The following TNIP3 variants were observed in gnomAD, a reference collection of about 807,000 sequenced individuals.
TNIP3 encodes the protein TNFAIP3 interacting protein 3, also known as TNFAIP3-interacting protein 3.
TNIP3 carries 34 observed loss-of-function variants against 54.1 expected under a neutral mutation model. That is an observed-to-expected ratio of 0.63 (90% CI 0.48 to 0.84). The LOEUF (loss-of-function observed/expected upper bound fraction) is 0.84. TNIP3 is among the 40% of genes least tolerant of loss of function. The probability of loss-of-function intolerance (pLI) is 0.00; values close to 1 mark genes in which losing one functional copy is unlikely to be tolerated. For synonymous variants in TNIP3, 134 were observed against 136.8 expected (o/e 0.98, Z 0.14); for missense variants, 366 against 387.6 (o/e 0.94, Z 0.47).
At chr4:121,146,506 C>G (rs1471885503) in intron 7 of TNIP3, among the ~76,000 whole-genome samples, 1 of 152,122 alleles carries the variant, frequency 6.6e-6, no homozygotes, top group African/African-American at 2.4e-5. Context: ...TTCAATTACA[C>G]TTAATTTTAG....
chr4:121,174,606 T>G lies in TNIP3; in HGVS notation c.189+8070A>C, dbSNP rs189386898. ...TGCTAGCCTAAAAAATTGCAAACAT[T>G]TGCTAAGTCGGTTTTAATGACAAAC... On this transcript the variant is annotated intron_variant, in intron 3 of 12. Coordinates refer to the TNIP3 transcript ENST00000507879. Among the ~76,000 whole-genome samples the G allele has an allele frequency of 3.0e-4, 46 of 152,176 alleles. 1 individual carries two copies. Among genetic ancestry groups the G allele is most frequent in the African/African-American group, 1.1e-3 (46 of 41,502 alleles).
At chr4:121,224,649 T>C (rs1253276772) in intron 1 of TNIP3, among the ~76,000 whole-genome samples, 2 of 152,204 alleles carry the variant, frequency 1.3e-5, no homozygotes, top group African/African-American at 4.8e-5. Flanking sequence ...CTCTTTAAAG[T>C]TGATAATCTT....
intron 2 of TNIP3, among the ~76,000 whole-genome samples, chr4:121,191,993 G>C (rs1445975395): frequency 1.3e-5 from 2 of 152,102 alleles, no homozygotes; most frequent in African/African-American, 2.4e-5. Flanking sequence ...TTTAAGAGCT[G>C]TCTAAAAATT....
intron 2 of TNIP3, among the ~76,000 whole-genome samples, chr4:121,214,674 G>T (rs924143999): frequency 2.0e-5 from 3 of 152,094 alleles, no homozygotes; most frequent in African/African-American, 7.2e-5. Flanking sequence ...AAAGGAGGAT[G>T]GGTATCATCT....
At chr4:121,151,731 T>A (rs1729773070) in intron 5 of TNIP3, among the ~76,000 whole-genome samples, 1 of 152,124 alleles carries the variant, frequency 6.6e-6, no homozygotes, top group African/African-American at 2.4e-5. Flanking sequence ...GTTATTTGAA[T>A]TTTCTGATCT....
At chr4:121,218,492 AT>A (rs1726895257), upstream of TNIP3, among the ~76,000 whole-genome samples, 2 of 152,038 alleles carry the variant, frequency 1.3e-5, no homozygotes, top group South Asian at 4.2e-4. Flanking sequence ...CCCAGGCATA[AT>A]TATAATTTCC....
intron 2 of TNIP3, among the ~76,000 whole-genome samples, chr4:121,213,875 T>A (rs1726629280): frequency 6.6e-6 from 1 of 152,110 alleles, no homozygotes; most frequent in Non-Finnish European, 1.5e-5. Flanking sequence ...ACATGTTGAG[T>A]GGGACTGCTT....
chr4:121,206,325 G>A (rs893879422), intron 2 of TNIP3, among the ~76,000 whole-genome samples: 4 of 152,042 alleles, frequency 2.6e-5, no homozygotes, highest in Admixed American at 6.6e-5. Flanking sequence ...CTTTGCATGC[G>A]TTATCTCATT....
chr4:121,170,395 G>A (rs147091377), intron 3 of TNIP3, among the ~76,000 whole-genome samples: 395 of 152,240 alleles, frequency 2.6e-3, no homozygotes, highest in African/African-American at 8.9e-3. Context: ...CAATGACCAC[G>A]GGGATACACA....
intron 2 of TNIP3, among the ~76,000 whole-genome samples, chr4:121,209,429 A>G (rs545718213): frequency 1.8e-4 from 27 of 152,326 alleles, no homozygotes; most frequent in Admixed American, 1.7e-3. Flanking sequence ...AACTTCTGGT[A>G]GTGTCAACAC....
intron 9 of TNIP3, among the ~76,000 whole-genome samples, chr4:121,140,635 C>T (rs1375615883): frequency 3.3e-5 from 5 of 152,120 alleles, no homozygotes; most frequent in African/African-American, 1.2e-4. Flanking sequence ...TAGAAGCCAA[C>T]TCCTATAGGT....
At chr4:121,135,696 G>A (rs184838735) in intron 10 of TNIP3, among the ~76,000 whole-genome samples, 2 of 152,278 alleles carry the variant, frequency 1.3e-5, no homozygotes, top group African/African-American at 4.8e-5. Flanking sequence ...ACCACTCCTG[G>A]CCTTAAACTA....
chr4:121,211,393 C>T (rs971821259), intron 2 of TNIP3, among the ~76,000 whole-genome samples: 1 of 152,160 alleles, frequency 6.6e-6, no homozygotes, highest in Non-Finnish European at 1.5e-5. Flanking sequence ...TAAGTAATAT[C>T]CCAAGCCAAA....
chr4:121,203,558 C>G (rs1726018365), intron 2 of TNIP3, among the ~76,000 whole-genome samples: 1 of 152,002 alleles, frequency 6.6e-6, no homozygotes, highest in South Asian at 2.1e-4. Context: ...TCAGAATTCA[C>G]CATTGAAGAA....
At chr4:121,171,497 A>T (rs2148821465) in intron 3 of TNIP3, among the ~76,000 whole-genome samples, 1 of 152,302 alleles carries the variant, frequency 6.6e-6, no homozygotes, top group Middle Eastern at 3.4e-3. Flanking sequence ...TCATGATAAA[A>T]TGTTAGGGGA....
upstream of TNIP3, among the ~76,000 whole-genome samples, chr4:121,165,768 T>C (rs1226078169): frequency 6.6e-6 from 1 of 151,662 alleles, no homozygotes; most frequent in Admixed American, 6.6e-5. Context: ...TAAGGCAAAA[T>C]CCAAAAATAC....
rs909693232 is a variant in TNIP3, at chr4:121,152,846, A to T, written c.492+1705T>A. Reference sequence around the variant, plus strand: ...ATAAACATACTTATGGGTCCCTAACAGTACTGTAGGCCTGGCCACTGTGCC... The same window carrying T: ...ATAAACATACTTATGGGTCCCTAACTGTACTGTAGGCCTGGCCACTGTGCC... On this transcript the variant is annotated intron_variant, in intron 5 of 10. Transcript: ENST00000057513. 2.8e-4 allele frequency among the ~76,000 whole-genome samples: 42 copies of T among 152,336 alleles called. 1 individual carries two copies. The highest frequency in any genetic ancestry group is 8.7e-4 in the African/African-American group (36 of 41,598).
rs1296480289 is a variant in TNIP3 at position 121,141,889 on chromosome 4, C to T, written c.812G>A (p.Gly271Asp). 6.3e-7 allele frequency: 1 copy of T among 1,598,802 alleles called. No individual in the cohort carries two copies. The highest frequency in any genetic ancestry group is 1.1e-5 in the South Asian group (1 of 88,656). ...KQMYCPPCNC[G>D]LVFHLQDPWV... ...TGGATCTTGCAGGTGGAAAACCAAG[C>T]CGCAGTTACAGGGTGGGCAATACAT... Residue 271 changes from glycine (G) to aspartate (D), a missense_variant, in exon 9 of 11, where the codon GGC becomes GAC. Physicochemically the swap from Gly to Asp is moderately conservative, Grantham distance 94 (BLOSUM62 -1). Coordinates refer to ENST00000057513, the MANE Select transcript of TNIP3 (RefSeq NM_024873.6).
intron 2 of TNIP3, among the ~76,000 whole-genome samples, chr4:121,194,921 A>G (rs1013344687): frequency 4.6e-5 from 7 of 152,100 alleles, no homozygotes; most frequent in Non-Finnish European, 8.8e-5. Flanking sequence ...TAATACTAGC[A>G]CTCTGGGAAG....
Sources: allele counts gnomAD v4.1 joint callset (sites outside exome capture counted in the v4.1 genomes callset), GRCh38; gene constraint gnomAD v4.1.1; transcripts MANE v1.5; gene names NCBI Gene and HGNC (gene_info 2026-07-23, HGNC 2026-07-21).